Variants in ARID4A observed in about 807,000 individuals in gnomAD.
ARID4A encodes AT-rich interaction domain 4A.
ARID4A carries 39 observed loss-of-function variants against 148.6 expected under a neutral mutation model. The ratio of observed to expected loss-of-function variants is 0.26; its 90% CI spans 0.20 to 0.34. The LOEUF is 0.34. Among genes scored for constraint, ARID4A ranks in the 10% least tolerant of loss-of-function variants. The pLI, the probability that ARID4A is intolerant of heterozygous loss-of-function variation, is 1.00. For missense variants in ARID4A, 1,265 were observed against 1,449.1 expected, an observed-to-expected ratio of 0.87 and a Z score of 2.06; for synonymous variants, 475 against 481.2, an observed-to-expected ratio of 0.99 and a Z score of 0.17.
chr14:58,346,358 T>C, intron 12 of ARID4A, 53 bp from the exon 13 acceptor site: 1 of 1,289,426 alleles, frequency 7.8e-7, no homozygotes, highest in Non-Finnish European at 1.1e-6. Context: ...GTTTTCAAAT[T>C]AGTATTTCTC....
chr14:58,346,565 A>AT, intron 13 of ARID4A, 60 bp downstream of exon 13: 1 of 1,077,110 alleles, frequency 9.3e-7, no homozygotes, highest in Non-Finnish European at 1.4e-6. Flanking sequence ...AAGTTATCTT[A>AT]TATTGCATTA....
intron 7 of ARID4A, among the ~76,000 whole-genome samples, chr14:58,322,413 C>A (rs1467072731): frequency 6.6e-6 from 1 of 151,990 alleles, no homozygotes; most frequent in Non-Finnish European, 1.5e-5. Context: ...ATAATTTTAA[C>A]AAGTTGAGTT....
chr14:58,328,346 G>A (rs774668768), intron 9 of ARID4A, 30 bp downstream of exon 9: 13 of 1,415,708 alleles, frequency 9.2e-6, no homozygotes, highest in East Asian at 6.9e-5. Context: ...ATGATGTTAC[G>A]TGGGAGGAAA....
At chr14:58,337,248 A>T (rs1160917117) in intron 11 of ARID4A, among the ~76,000 whole-genome samples, 7 of 119,456 alleles carry the variant, frequency 5.9e-5, no homozygotes, top group Middle Eastern at 4.3e-3. Flanking sequence ...CTCTTTATTT[A>T]TATATATATA....
chr14:58,300,893 C>G (rs2031102876), intron 2 of ARID4A, among the ~76,000 whole-genome samples: 1 of 151,330 alleles, frequency 6.6e-6, no homozygotes, highest in Non-Finnish European at 1.5e-5. Flanking sequence ...AGTGACATTT[C>G]TTACATCTTT....
In ARID4A at chr14:58,306,058, T is replaced by A. The variant is rs748833176; in HGVS notation, c.220T>A (p.Ser74Thr). The change falls in exon 5 of 24, where the codon TCT becomes ACT. Residue 74 changes from serine to threonine, a missense_variant. By Grantham distance (58) the Ser-to-Thr change is moderately conservative. Coordinates refer to ENST00000355431, the MANE Select transcript of ARID4A (RefSeq NM_002892.4). The stretch of plus-strand genomic sequence containing the variant: ...TGTTGAAACAAGGACATCTGATGGA[T>A]CTTTTCAGGAAGCTATTATCAGCAA... Reference protein sequence around the residue: ...AIVETRTSDGSFQEAIISKLT... With the variant: ...AIVETRTSDGTFQEAIISKLT... The A allele has an allele frequency of 1.9e-6, 3 of 1,613,772 alleles. No individual in the cohort carries two copies. The highest frequency in any genetic ancestry group is 2.2e-5 in the South Asian group (2 of 91,054).
rs1483276957 is a variant in ARID4A at position 58,318,693 on chromosome 14, A to T, written c.355-18A>T. On this transcript the variant is annotated intron_variant, in intron 6 of 23. Transcript: ENST00000355431. ...TCTAGAGGTAAAACGTAATTTAATT[A>T]ATCTATTTCTTATACAGACACTTGA... 32 of 1,613,112 alleles carry T rather than the reference A, an allele frequency of 2.0e-5. No homozygotes were observed. The highest frequency in any genetic ancestry group is 2.7e-5 in the Non-Finnish European group (32 of 1,179,204).
intron 11 of ARID4A, among the ~76,000 whole-genome samples, chr14:58,332,090 G>GT (rs1225770011): frequency 7.1e-6 from 1 of 141,784 alleles, no homozygotes; most frequent in African/African-American, 2.6e-5. Context: ...ATAGTAAATT[G>GT]TAAGTAGTGC....
intron 15 of ARID4A, among the ~76,000 whole-genome samples, chr14:58,348,324 A>G (rs2034471568): frequency 6.6e-6 from 1 of 152,194 alleles, no homozygotes; most frequent in Non-Finnish European, 1.5e-5. Context: ...GAGGTCAGGG[A>G]TTAGTGTTTA....
At chr14:58,337,267 T>TATATATAA (rs1411261595) in intron 11 of ARID4A, among the ~76,000 whole-genome samples, 1 of 137,746 alleles carries the variant, frequency 7.3e-6, no homozygotes, top group Non-Finnish European at 1.6e-5. Flanking sequence ...TATATATATA[T>TATATATAA]AATTAAAACC....
chr14:58,313,747 G>A (rs902801248), intron 5 of ARID4A, among the ~76,000 whole-genome samples: 4 of 152,186 alleles, frequency 2.6e-5, no homozygotes, highest in Non-Finnish European at 4.4e-5. Flanking sequence ...AAGATCTGAG[G>A]GACTGCTGGT....
intron 10 of ARID4A, 138 bp from the exon 11 acceptor site, chr14:58,329,865 T>TA (rs1416373912): frequency 1.5e-6 from 2 of 1,356,750 alleles, no homozygotes; most frequent in African/African-American, 2.9e-5. Flanking sequence ...ACTTATGAAA[T>TA]ATGTTAAAGC....
In ARID4A at chr14:58,344,676, A is replaced by G; in HGVS notation, c.907-19A>G. ...TTCCAGTTCACTGTGCCATACATTT[A>G]TATATTTTATCTTTACAGCCTGAGG... On this transcript the variant is annotated intron_variant, in intron 11 of 23. Transcript: ENST00000355431. The G allele has an allele frequency of 6.4e-7, 1 of 1,567,854 alleles. No homozygotes were observed.
At position 58,305,952 on chromosome 14, in the gene ARID4A, A is replaced by G. The variant is rs1019631010; in HGVS notation, c.184-70A>G. On this transcript the variant is annotated intron_variant, in intron 4 of 23. Coordinates refer to ENST00000355431, the MANE Select transcript of ARID4A (RefSeq NM_002892.4). The stretch of plus-strand genomic sequence containing the variant: ...GGTGTTTATTTTTCTTAGCTAGATT[A>G]TATAGTTGGTGGGAGTGATTTGGTT... 3.8e-6 allele frequency: 4 copies of G among 1,051,140 alleles called. No individual in the cohort carries two copies. In the South Asian group the frequency reaches 3.8e-5, roughly 10 times the overall value. The allele number at this position is 1,051,140 out of a possible 1,614,324, so 65.1% of individuals were successfully genotyped here. A position where few individuals can be genotyped will look rare whatever the true frequency, so the allele number is the denominator to read the frequency against.
At chr14:58,306,238 A>G in intron 5 of ARID4A, 126 bp downstream of exon 5, 1 of 647,188 alleles carries the variant, frequency 1.5e-6, no homozygotes, top group Non-Finnish European at 2.5e-6. Context: ...TACTGGATAT[A>G]GCTGACTAAA....
intron 18 of ARID4A, among the ~76,000 whole-genome samples, chr14:58,360,065 CAAA>C (rs11376633): frequency 1.7e-5 from 2 of 118,708 alleles, no homozygotes; most frequent in Admixed American, 8.9e-5. Context: ...GACTCCGTCT[CAAA>C]AAAAAAAAAA....
chr14:58,366,866 T>G lies in ARID4A; in HGVS notation c.3524-17T>G. The G allele has an allele frequency of 6.7e-7, 1 of 1,483,060 alleles. No homozygotes were observed. 91.9% of individuals were successfully genotyped at this position (1,483,060 alleles called of 1,614,324 possible). A position where few individuals can be genotyped will look rare whatever the true frequency, so the allele number is the denominator to read the frequency against. ...AATTATTTTAAAATCCAAATTAACTTCTTTCCCCCCTTTTAGATGAATTAG... is the reference window on the plus strand; with the variant it reads ...AATTATTTTAAAATCCAAATTAACTGCTTTCCCCCCTTTTAGATGAATTAG... On this transcript the variant is annotated splice_polypyrimidine_tract_variant and intron_variant, in intron 22 of 23. Transcript: ENST00000355431.
chr14:58,365,919 A>T, intron 21 of ARID4A, 105 bp from the exon 22 acceptor site: 1 of 1,026,448 alleles, frequency 9.7e-7, no homozygotes, highest in Non-Finnish European at 1.4e-6. Flanking sequence ...GCATTTGTGC[A>T]CTTATTTCTG....
At position 58,372,062 on chromosome 14, in the gene ARID4A, A is replaced by C. The variant is rs2035639067; in HGVS notation, c.*73A>C. On this transcript the variant is annotated 3_prime_UTR_variant, in exon 24 of 24. Coordinates refer to ENST00000355431, the MANE Select transcript of ARID4A (RefSeq NM_002892.4). ...TCCCCAAACCCTGAATTACAACCAC[A>C]GAAAGCACTCAACTGGTTTGACATT... 2 of 1,064,238 alleles carry C rather than the reference A, an allele frequency of 1.9e-6. No individual in the cohort carries two copies. The highest frequency in any genetic ancestry group is 5.0e-5 in the East Asian group (2 of 40,374). 65.9% of individuals were successfully genotyped at this position (1,064,238 alleles called of 1,614,324 possible). A position where few individuals can be genotyped will look rare whatever the true frequency, so the allele number is the denominator to read the frequency against.
Sources: gnomAD v4.1 joint callset for allele counts (sites outside exome capture counted in the v4.1 genomes callset) on GRCh38, gnomAD v4.1.1 for gene constraint, MANE v1.5 for transcripts, NCBI Gene and HGNC (gene_info 2026-07-23, HGNC 2026-07-21) for gene names.